Variants in TOP2B observed in about 807,000 individuals in gnomAD.
TOP2B encodes the protein DNA topoisomerase 2-beta.
In TOP2B, 51 loss-of-function variants were observed where a neutral mutation model predicts 193.5. The observed-to-expected ratio is 0.26, with a 90% CI of 0.21 to 0.33. The LOEUF is 0.33. Among genes scored for constraint, TOP2B ranks in the 10% least tolerant of loss-of-function variants. TOP2B has a pLI of 1.00. For missense variants in TOP2B, 1,378 were observed against 1,909.3 expected, an observed-to-expected ratio of 0.72 and a Z score of 5.19; for synonymous variants, 634 against 635.7, an observed-to-expected ratio of 1.00 and a Z score of 0.04.
intron 21 of TOP2B, among the ~76,000 whole-genome samples, chr3:25,622,828 A>G (rs1702694695): frequency 6.6e-6 from 1 of 152,110 alleles, no homozygotes; most frequent in African/African-American, 2.4e-5. Context: ...TTTAGTAGAG[A>G]CAGGGTTCTA....
Position 25,619,887 on chromosome 3 carries a change from T to G in TOP2B, c.3038A>C (p.Gln1013Pro). 6.2e-7 allele frequency: 1 copy of G among 1,612,020 alleles called. No homozygotes were observed. Among genetic ancestry groups the G allele is most frequent in the Non-Finnish European group, 8.5e-7 (1 of 1,178,526 alleles). The change falls in exon 23 of 36, where the codon CAA becomes CCA. Residue 1013 changes from glutamine (Q) to proline (P), a missense_variant. Gln to Pro is a moderately conservative substitution (Grantham distance 76, BLOSUM62 -1). Coordinates refer to ENST00000264331, the MANE Select transcript of TOP2B (RefSeq NM_001330700.2). Reference protein sequence around the residue: ...AAGLHKVFKLQTTLTCNSMVL... With the variant: ...AAGLHKVFKLPTTLTCNSMVL... ...CATGGAATTACAAGTAAGAGTAGTT[T>G]GAAGTTTAAAAACTTTATGCAGTCC...
intron 35 of TOP2B, 141 bp downstream of exon 35, chr3:25,599,294 C>A: frequency 1.5e-6 from 1 of 680,366 alleles, no homozygotes; most frequent in South Asian, 2.1e-5. Context: ...TGAATAATTT[C>A]TTAACCAAAT....
Position 25,612,498 on chromosome 3 carries a change from C to T in TOP2B, c.3786+17G>A. On this transcript the variant is annotated intron_variant, in intron 28 of 35. Coordinates refer to ENST00000264331, the MANE Select transcript of TOP2B (RefSeq NM_001330700.2). ...ATTATAGAAATGAGTCTATCAATGACAAGAGGTATGTCATACCTTCTTCTT... is the reference window on the plus strand; with the variant it reads ...ATTATAGAAATGAGTCTATCAATGATAAGAGGTATGTCATACCTTCTTCTT... 6.4e-7 allele frequency: 1 copy of T among 1,569,982 alleles called. No individual in the cohort carries two copies. The highest frequency in any genetic ancestry group is 8.6e-7 in the Non-Finnish European group (1 of 1,156,624).
intron 24 of TOP2B, 49 bp downstream of exon 24, chr3:25,618,605 T>A: frequency 1.3e-6 from 2 of 1,546,580 alleles, no homozygotes; most frequent in Non-Finnish European, 1.7e-6. Flanking sequence ...TTAATAAAGT[T>A]TTTTTTCCAT....
intron 30 of TOP2B, among the ~76,000 whole-genome samples, chr3:25,608,058 T>C (rs1160936665): frequency 6.6e-6 from 1 of 152,222 alleles, no homozygotes; most frequent in Non-Finnish European, 1.5e-5. Context: ...GTGCTGAGAT[T>C]ACAGGCGTGA....
chr3:25,636,319 G>C (rs938585292), intron 6 of TOP2B, among the ~76,000 whole-genome samples, 171 bp from the exon 7 acceptor site: 1 of 151,892 alleles, frequency 6.6e-6, no homozygotes, highest in Non-Finnish European at 1.5e-5. Context: ...AGTAAATACA[G>C]TCAGCCCTTG....
intron 32 of TOP2B, among the ~76,000 whole-genome samples, chr3:25,605,674 G>A (rs1184020661): frequency 1.3e-5 from 2 of 152,038 alleles, no homozygotes; most frequent in African/African-American, 4.8e-5. Flanking sequence ...TCACACTGGT[G>A]CCCTTACAGA....
chr3:25,598,727 C>T (rs1433477586), intron 35 of TOP2B, among the ~76,000 whole-genome samples: 2 of 152,126 alleles, frequency 1.3e-5, no homozygotes, highest in Admixed American at 6.5e-5. Flanking sequence ...AAATGTAACA[C>T]CTTTATTTCT....
chr3:25,620,848 CTCTCT>C (rs1273915204), intron 21 of TOP2B, 32 bp from the exon 22 acceptor site: 2 of 1,606,314 alleles, frequency 1.2e-6, no homozygotes, highest in Non-Finnish European at 1.7e-6. Context: ...GCATTGACTT[CTCTCT>C]TGAGTACCAG....
intron 33 of TOP2B, 139 bp downstream of exon 33, chr3:25,604,619 CGA>C (rs1334584320): frequency 3.2e-6 from 2 of 627,868 alleles, no homozygotes; most frequent in Non-Finnish European, 5.3e-6. Context: ...GGCTAGAAAA[CGA>C]GAGGTTCTCC....
chr3:25,644,518 T>C (rs1443194469), intron 2 of TOP2B, among the ~76,000 whole-genome samples: 3 of 151,950 alleles, frequency 2.0e-5, no homozygotes, highest in South Asian at 2.1e-4. Context: ...CTGGCCAACA[T>C]GGCAAAACAC....
chr3:25,628,854 G>T lies in TOP2B; in HGVS notation c.1899C>A (p.Tyr633Ter). 1 of 1,539,240 alleles carries T rather than the reference G, an allele frequency of 6.5e-7. No individual in the cohort carries two copies. The highest frequency in any genetic ancestry group is 8.8e-7 in the Non-Finnish European group (1 of 1,130,314). Residue 633 changes from tyrosine to a stop codon, truncating the protein, a stop_gained, in exon 15 of 36, where the codon TAC becomes TAA. Coordinates refer to ENST00000264331, the MANE Select transcript of TOP2B (RefSeq NM_001330700.2). LOFTEE classifies it high-confidence loss of function. ...GTATTTTAAAATACAAACCTTTATA[G>T]TACTTTATTTTCCAGGCTTTCTGGT... ...IENQKAWKIKYYKGLGTSTAK... is the reference protein window; with the variant it reads ...IENQKAWKIK
In TOP2B at chr3:25,664,660, C is replaced by T; in HGVS notation, c.-363G>A. The T allele has an allele frequency of 4.1e-6, 4 of 984,692 alleles. No individual in the cohort carries two copies. Among genetic ancestry groups the T allele is most frequent in the Non-Finnish European group, 4.8e-6 (4 of 829,674 alleles). The allele number at this position is 984,692 out of a possible 1,614,324, so 61.0% of individuals were successfully genotyped here. A position where few individuals can be genotyped will look rare whatever the true frequency, so the allele number is the denominator to read the frequency against. ...CGGGCGTGCGAGCCGCGAGGGCGGCCGGGGAGCCCGAGGCGCTCGGACGTG... is the reference window on the plus strand; with the variant it reads ...CGGGCGTGCGAGCCGCGAGGGCGGCTGGGGAGCCCGAGGCGCTCGGACGTG... On this transcript the variant is annotated 5_prime_UTR_variant, in exon 1 of 36. Coordinates refer to ENST00000264331, the MANE Select transcript of TOP2B (RefSeq NM_001330700.2).
chr3:25,640,752 C>CTTTTTTTTT (rs372465937), intron 4 of TOP2B, among the ~76,000 whole-genome samples: 5 of 106,990 alleles, frequency 4.7e-5, no homozygotes, highest in Admixed American at 1.1e-4. Flanking sequence ...TCTTCGTTGT[C>CTTTTTTTTT]TTTTTTTTTT....
chr3:25,632,961 C>T (rs1322422840), intron 8 of TOP2B, among the ~76,000 whole-genome samples, 167 bp from the exon 9 acceptor site: 2 of 151,960 alleles, frequency 1.3e-5, no homozygotes, highest in Admixed American at 1.3e-4. Context: ...ATAAACCAAC[C>T]GCTGTGTTTT....
At position 25,664,536 on chromosome 3, in the gene TOP2B, C is replaced by T. The variant is rs570515980; in HGVS notation, c.-239G>A. 1,148 of 1,132,062 alleles carry T rather than the reference C, an allele frequency of 1.0e-3. 12 individuals are homozygous for T. The African/African-American group carries it at 0.017, about 17-fold the overall frequency. 70.1% of individuals were successfully genotyped at this position (1,132,062 alleles called of 1,614,324 possible). A position where few individuals can be genotyped will look rare whatever the true frequency, so the allele number is the denominator to read the frequency against. ...GCGTCCGCGTCGCCCGGGCCTAGCGCGGCGGCTGAGGAGAAAGCAGGGAGC... is the reference window on the plus strand; with the variant it reads ...GCGTCCGCGTCGCCCGGGCCTAGCGTGGCGGCTGAGGAGAAAGCAGGGAGC... On this transcript the variant is annotated 5_prime_UTR_variant, in exon 1 of 36. Transcript: ENST00000264331.
chr3:25,628,672 A>T (rs78269724), intron 15 of TOP2B, among the ~76,000 whole-genome samples, 175 bp downstream of exon 15: 1 of 151,998 alleles, frequency 6.6e-6, no homozygotes, highest in East Asian at 1.9e-4. Flanking sequence ...ATCCCATTCA[A>T]TGAAATCTAT....
At chr3:25,664,093 A>C in intron 1 of TOP2B, 136 bp downstream of exon 1, 1 of 1,295,062 alleles carries the variant, frequency 7.7e-7, no homozygotes, top group Non-Finnish European at 1.1e-6. Context: ...AGGATTCTGC[A>C]AGCACAGGCC....
At chr3:25,631,050 A>T (rs1213292539) in intron 10 of TOP2B, 111 bp from the exon 11 acceptor site, 6 of 893,700 alleles carry the variant, frequency 6.7e-6, no homozygotes, top group Non-Finnish European at 8.0e-6. Flanking sequence ...AAGGTATTTT[A>T]GGGCAAAACA....
Sources: gnomAD v4.1 joint callset for allele counts (sites outside exome capture counted in the v4.1 genomes callset) on GRCh38, gnomAD v4.1.1 for gene constraint, MANE v1.5 for transcripts, NCBI Gene and HGNC (gene_info 2026-07-23, HGNC 2026-07-21) for gene names.